Variants in PAM observed in about 807,000 individuals in gnomAD.
The protein encoded by PAM is peptidyl-glycine alpha-amidating monooxygenase.
In PAM, 72 loss-of-function variants were observed where a neutral mutation model predicts 122.1. That is an observed-to-expected ratio of 0.59 (90% CI 0.49 to 0.72). The LOEUF (loss-of-function observed/expected upper bound fraction) is 0.72. PAM is among the 30% of genes least tolerant of loss of function. PAM has a pLI of 0.00. For missense variants in PAM, 1,106 were observed against 1,183.7 expected, an observed-to-expected ratio of 0.93 and a Z score of 0.96; for synonymous variants, 389 against 404.4, an observed-to-expected ratio of 0.96 and a Z score of 0.46.
At position 102,831,441 on chromosome 5, in the gene PAM, T is replaced by G. The variant is rs967302002; in HGVS notation, c.-373-34382T>G. Among the ~76,000 whole-genome samples the G allele has an allele frequency of 1.8e-4, 27 of 151,964 alleles. 1 individual carries two copies. The highest frequency in any genetic ancestry group is 1.0e-3 in the South Asian group (5 of 4,802). The stretch of plus-strand genomic sequence containing the variant: ...TTATCGAGCTCTTTTTTTTTCCTTT[T>G]TTTTTTTACAAAGTATGCCATGAGC... On this transcript the variant is annotated intron_variant, in intron 1 of 25. Coordinates refer to ENST00000438793, the MANE Select transcript of PAM (RefSeq NM_001177306.2).
chr5:102,794,697 T>C (rs1470078180), intron 1 of PAM, among the ~76,000 whole-genome samples: 6 of 152,200 alleles, frequency 3.9e-5, no homozygotes, highest in Non-Finnish European at 7.4e-5. Context: ...TTAAAAAATA[T>C]AGAACATTTA....
At chr5:102,859,335 AGTGTGTGTGTGTGT>A (rs57728525) in intron 1 of PAM, among the ~76,000 whole-genome samples, 3 of 142,314 alleles carry the variant, frequency 2.1e-5, no homozygotes, top group Non-Finnish European at 3.1e-5. Flanking sequence ...GGCCCAGGCT[AGTGTGTGTGTGTGT>A]GTGTGTGTGT....
intron 3 of PAM, among the ~76,000 whole-genome samples, chr5:102,874,200 G>T (rs1788423296): frequency 6.6e-6 from 1 of 151,790 alleles, no homozygotes; most frequent in Non-Finnish European, 1.5e-5. Flanking sequence ...TTTCTATTTT[G>T]AGAGCTCAGG....
Position 102,794,963 on chromosome 5 carries a change from G to A in PAM, c.-374+39615G>A, listed in dbSNP as rs144473683. The stretch of plus-strand genomic sequence containing the variant: ...CTAGCACTCTGGCAGGCTGAGGCTC[G>A]CAGATCACTTGTGCCCAGGAGTTGG... On this transcript the variant is annotated intron_variant, in intron 1 of 25. Coordinates refer to ENST00000438793, the MANE Select transcript of PAM (RefSeq NM_001177306.2). Among the ~76,000 whole-genome samples, 362 of 151,974 alleles carry A rather than the reference G, an allele frequency of 2.4e-3. 1 individual carries two copies. The highest frequency in any genetic ancestry group is 0.013 in the East Asian group (66 of 5,156).
At position 102,905,421 on chromosome 5, in the gene PAM, T is replaced by G. The variant is rs908967459; in HGVS notation, c.268+4008T>G. The stretch of plus-strand genomic sequence containing the variant: ...ATGAAATTAATCTAATGATTCATTG[T>G]TTTTCATTTTCTTGGGCTTCTCTCT... On this transcript the variant is annotated intron_variant, in intron 4 of 25. Transcript: ENST00000438793. Among the ~76,000 whole-genome samples the G allele has an allele frequency of 5.3e-5, 8 of 151,880 alleles. No homozygotes were observed. In the East Asian group the frequency reaches 1.6e-3, roughly 30 times the overall value.
rs188520292 is a variant in PAM, at chr5:102,891,710, T to G, written c.211-9646T>G. ...GGCTTGCTAAACTGGGAATGGGCAT[T>G]TTATCATTCTGTCTTCTTATATCTT... On this transcript the variant is annotated intron_variant, in intron 3 of 25. Transcript: ENST00000438793. Among the ~76,000 whole-genome samples, 3 of 151,984 alleles carry G rather than the reference T, an allele frequency of 2.0e-5. No individual in the cohort carries two copies. The East Asian group carries it at 5.8e-4, about 30-fold the overall frequency.
At chr5:102,783,166 G>C (rs550452370) in intron 1 of PAM, among the ~76,000 whole-genome samples, 216 of 150,522 alleles carry the variant, frequency 1.4e-3, no homozygotes, top group Non-Finnish European at 2.5e-3. Context: ...TCATGACCAG[G>C]ATCAGCTACA....
chr5:102,900,275 A>G (rs1229608784), intron 3 of PAM, among the ~76,000 whole-genome samples: 36 of 116,286 alleles, frequency 3.1e-4, no homozygotes, highest in African/African-American at 1.1e-3. Context: ...CGGGGGGAAG[A>G]GGGTAGACAA....
Position 102,758,088 on chromosome 5 carries a change from T to G in PAM, c.-374+2740T>G, listed in dbSNP as rs1419955323. Among the ~76,000 whole-genome samples the G allele has an allele frequency of 3.9e-3, 224 of 56,892 alleles. 8 individuals carry two copies. The highest frequency in any genetic ancestry group is 0.012 in the African/African-American group (191 of 16,488). 37.3% of individuals were successfully genotyped at this position (56,892 alleles called of 152,430 possible). A position where few individuals can be genotyped will look rare whatever the true frequency, so the allele number is the denominator to read the frequency against. On this transcript the variant is annotated intron_variant, in intron 1 of 25. Transcript: ENST00000438793. ...TTAGAATTTTGTTTTTTTTTTTTTT[T>G]TTTTTTTTTTTTTTTTTTTTCTTGG...
chr5:102,770,158 G>C (rs1327609235), intron 1 of PAM, among the ~76,000 whole-genome samples: 2 of 151,748 alleles, frequency 1.3e-5, no homozygotes, highest in Non-Finnish European at 2.9e-5. Context: ...AGATTGTTTG[G>C]CTGTTGGTAT....
At chr5:102,944,275 A>C (rs1477320143) in intron 7 of PAM, among the ~76,000 whole-genome samples, 1 of 152,100 alleles carries the variant, frequency 6.6e-6, no homozygotes, top group African/African-American at 2.4e-5. Flanking sequence ...GCAAGAGAAC[A>C]ACCACTATGA....
chr5:102,838,157 A>G (rs1301959595), intron 1 of PAM: 1 of 152,082 alleles, frequency 6.6e-6, no homozygotes, highest in African/African-American at 2.4e-5. Context: ...AGTATCATCA[A>G]TTTGTGGATT....
intron 1 of PAM, among the ~76,000 whole-genome samples, chr5:102,793,636 A>G (rs1762616296): frequency 6.6e-6 from 1 of 152,250 alleles, no homozygotes; most frequent in African/African-American, 2.4e-5. Context: ...CAGCATTTTA[A>G]GTACTGGTTT....
intron 16 of PAM, among the ~76,000 whole-genome samples, chr5:102,992,041 T>C (rs888077123): frequency 6.6e-6 from 1 of 152,052 alleles, no homozygotes; most frequent in Non-Finnish European, 1.5e-5. Context: ...ACTGGAATAG[T>C]TTAATAGAAA....
chr5:102,846,047 T>A (rs1779867198), intron 1 of PAM, among the ~76,000 whole-genome samples: 1 of 152,200 alleles, frequency 6.6e-6, no homozygotes, highest in South Asian at 2.1e-4. Context: ...GGCTTGTGTT[T>A]CATGGGGTGT....
intron 1 of PAM, among the ~76,000 whole-genome samples, chr5:102,859,704 C>T (rs1376547267): frequency 6.6e-6 from 1 of 152,156 alleles, no homozygotes; most frequent in Non-Finnish European, 1.5e-5. Context: ...TCACTCACCA[C>T]TCACTCACTC....
chr5:102,856,360 G>A (rs1022596828), intron 1 of PAM, among the ~76,000 whole-genome samples: 1 of 152,122 alleles, frequency 6.6e-6, no homozygotes. Context: ...AGGCAAATTA[G>A]GATACAAAGA....
In PAM at chr5:103,025,336, C is replaced by A. The variant is rs764501707; in HGVS notation, c.2689+2C>A. The A allele has an allele frequency of 1.2e-6, 2 of 1,611,790 alleles. No individual in the cohort carries two copies. The highest frequency in any genetic ancestry group is 1.7e-6 in the Non-Finnish European group (2 of 1,178,068). ...GGAAAAAATCAAGGGCCTTTGGAGGCAAGTAAAATGAGCCCCGTGAACTTG... is the reference window on the plus strand; with the variant it reads ...GGAAAAAATCAAGGGCCTTTGGAGGAAAGTAAAATGAGCCCCGTGAACTTG... On this transcript the variant is annotated splice_donor_variant, in intron 24 of 25. Coordinates refer to ENST00000438793, the MANE Select transcript of PAM (RefSeq NM_001177306.2). LOFTEE classifies it high-confidence loss of function.
chr5:103,011,394 ACACACACTCT>A (rs547796983), intron 21 of PAM, among the ~76,000 whole-genome samples: 1,866 of 151,748 alleles, frequency 0.012, 34 homozygotes, highest in African/African-American at 0.044. Flanking sequence ...ACACACACAC[ACACACACTCT>A]CTCTCTCTGT....
Sources: allele counts gnomAD v4.1 joint callset (sites outside exome capture counted in the v4.1 genomes callset), GRCh38; gene constraint gnomAD v4.1.1; transcripts MANE v1.5; gene names NCBI Gene and HGNC (gene_info 2026-07-23, HGNC 2026-07-21).